The following CARS1 variants were observed in gnomAD, a reference collection of about 807,000 sequenced individuals.
CARS1 encodes cysteinyl-tRNA synthetase 1.
In CARS1, 48 loss-of-function variants were observed where a neutral mutation model predicts 106.2. The ratio of observed to expected loss-of-function variants is 0.45; its 90% CI spans 0.36 to 0.57. The LOEUF (loss-of-function observed/expected upper bound fraction) is 0.57. Among genes scored for constraint, CARS1 ranks in the 20% least tolerant of loss-of-function variants. The pLI is 0.00. For synonymous variants in CARS1, 409 were observed against 403.4 expected (o/e 1.01, Z -0.17); for missense variants, 968 against 1,057.2 (o/e 0.92, Z 1.17).
chr11:3,042,423 A>C (rs1854584981), intron 2 of CARS1, 167 bp from the exon 3 acceptor site: 1 of 572,652 alleles, frequency 1.7e-6, no homozygotes. Flanking sequence ...GTCAAAGACA[A>C]CTGCGTCTTT....
chr11:3,018,610 C>T lies in CARS1; in HGVS notation c.1525+10G>A. 1.2e-6 allele frequency: 2 copies of T among 1,614,014 alleles called. No individual in the cohort carries two copies. Among genetic ancestry groups the T allele is most frequent in the Non-Finnish European group, 1.7e-6 (2 of 1,179,922 alleles). On this transcript the variant is annotated intron_variant, in intron 13 of 22. Coordinates refer to ENST00000380525, the MANE Select transcript of CARS1 (RefSeq NM_001014437.3). ...TGGTTGGGGGGTCTGTGGGAGAAGC[C>T]AGTGTATACCTGAGTGCTTTTTCAA...
chr11:3,042,353 T>C lies in CARS1; in HGVS notation c.275-97A>G, dbSNP rs1448774729. ...AGACTTGGTTTTTACAACGGGACCATAGTTTTCCATGAAATTTAAACAATG... is the reference window on the plus strand; with the variant it reads ...AGACTTGGTTTTTACAACGGGACCACAGTTTTCCATGAAATTTAAACAATG... On this transcript the variant is annotated intron_variant, in intron 2 of 22. Transcript: ENST00000380525. The C allele has an allele frequency of 1.0e-5, 8 of 762,486 alleles. No individual in the cohort carries two copies. In the Admixed American group the frequency reaches 1.2e-4, roughly 12 times the overall value. The allele number at this position is 762,486 out of a possible 1,614,324, so 47.2% of individuals were successfully genotyped here. A position where few individuals can be genotyped will look rare whatever the true frequency, so the allele number is the denominator to read the frequency against.
chr11:3,001,932 A>C (rs1202767072), intron 22 of CARS1, 38 bp downstream of exon 22: 1 of 1,452,558 alleles, frequency 6.9e-7, no homozygotes, highest in Non-Finnish European at 9.7e-7. Context: ...TGGTCTGATC[A>C]AGTTCTGAAT....
intron 2 of CARS1, 101 bp downstream of exon 2, chr11:3,047,652 T>C: frequency 6.8e-7 from 1 of 1,471,744 alleles, no homozygotes. Context: ...AGGCTCCCTC[T>C]GGGGTATCCG....
At position 3,045,534 on chromosome 11, in the gene CARS1, G is replaced by A. The variant is rs1380169274; in HGVS notation, c.274+2219C>T. On this transcript the variant is annotated intron_variant, in intron 2 of 22. Coordinates refer to ENST00000380525, the MANE Select transcript of CARS1 (RefSeq NM_001014437.3). This position sits in a 1 kb window ranked among gnomAD's most constrained non-coding sequence, Gnocchi z 5.6. Reference sequence around the variant, plus strand: ...CCGCCTTGGCCTCCCAAAGTGCTGGGATTACAGGAGTGAGCCACCGCGCCG... The same window carrying A: ...CCGCCTTGGCCTCCCAAAGTGCTGGAATTACAGGAGTGAGCCACCGCGCCG... Among the ~76,000 whole-genome samples the A allele has an allele frequency of 1.3e-5, 2 of 152,226 alleles. No individual in the cohort carries two copies. The highest frequency in any genetic ancestry group is 4.8e-5 in the African/African-American group (2 of 41,456).
chr11:3,023,209 G>A (rs1331343727), intron 10 of CARS1, among the ~76,000 whole-genome samples: 2 of 152,104 alleles, frequency 1.3e-5, no homozygotes, highest in Non-Finnish European at 2.9e-5. Context: ...CCTTCACCAC[G>A]TGACCTGAGG....
intron 17 of CARS1, 126 bp downstream of exon 17, chr11:3,015,655 C>G: frequency 1.2e-6 from 1 of 812,264 alleles, no homozygotes; most frequent in South Asian, 1.4e-5. Flanking sequence ...CCATTTAGCT[C>G]GAGGCGCTGT....
intron 10 of CARS1, 141 bp downstream of exon 10, chr11:3,026,534 TA>T: frequency 1.2e-6 from 1 of 817,726 alleles, no homozygotes; most frequent in Non-Finnish European, 1.9e-6. Context: ...AGAAAACTCC[TA>T]AAATTCCTTC....
chr11:3,050,918 G>T lies in CARS1; in HGVS notation c.26-2917C>A, dbSNP rs896332753. Among the ~76,000 whole-genome samples the T allele has an allele frequency of 6.6e-6, 1 of 152,148 alleles. No homozygotes were observed. Among genetic ancestry groups the T allele is most frequent in the East Asian group, 1.9e-4 (1 of 5,192 alleles). ...TCTTTCCTTCACCATCTGCCCCACC[G>T]CTCCATCTACCTTATTCACTGCTCG... On this transcript the variant is annotated intron_variant, in intron 1 of 22. Transcript: ENST00000380525. This position sits in a 1 kb window ranked among gnomAD's most constrained non-coding sequence, Gnocchi z 6.3.
Position 3,029,289 on chromosome 11 carries a change from A to C in CARS1, c.942+14T>G. 1 of 1,613,738 alleles carries C rather than the reference A, an allele frequency of 6.2e-7. No homozygotes were observed. ...AGCGCAAGAGAGCCAGCACAAGACA[A>C]TCGTGACACTTACATTCAGAGCTTC... On this transcript the variant is annotated intron_variant, in intron 8 of 22. Transcript: ENST00000380525. The surrounding 1 kb of genome is among the most constrained non-coding windows in gnomAD (Gnocchi z 5.9).
At position 3,037,582 on chromosome 11, in the gene CARS1, G is replaced by C. The variant is rs1853831560; in HGVS notation, c.801+468C>G. 6.6e-6 allele frequency among the ~76,000 whole-genome samples: 1 copy of C among 152,252 alleles called. No individual in the cohort carries two copies. The highest frequency in any genetic ancestry group is 2.4e-5 in the African/African-American group (1 of 41,466). ...CCCAGGTCTCTGCCCTGTGTCTGAAGGAGATATTGGCAGGGGCAGGAGAGC... is the reference window on the plus strand; with the variant it reads ...CCCAGGTCTCTGCCCTGTGTCTGAACGAGATATTGGCAGGGGCAGGAGAGC... On this transcript the variant is annotated intron_variant, in intron 7 of 22. Transcript: ENST00000380525. This position sits in a 1 kb window ranked among gnomAD's most constrained non-coding sequence, Gnocchi z 5.9.
In CARS1 at chr11:3,038,314, G is replaced by C. The variant is rs1025702058; in HGVS notation, c.652-115C>G. ...TTTTTCCCATGGCCCCATAGAGATA[G>C]AGAAGTGTGCAACCCAAGTGGCCAG... On this transcript the variant is annotated intron_variant, in intron 6 of 22. Transcript: ENST00000380525. The surrounding 1 kb of genome is among the most constrained non-coding windows in gnomAD (Gnocchi z 4.0). 3.0e-6 allele frequency: 3 copies of C among 984,194 alleles called. No individual in the cohort carries two copies. The highest frequency in any genetic ancestry group is 2.1e-5 in the Admixed American group (1 of 48,604). 61.0% of individuals were successfully genotyped at this position (984,194 alleles called of 1,614,324 possible). A position where few individuals can be genotyped will look rare whatever the true frequency, so the allele number is the denominator to read the frequency against.
At chr11:3,002,304 C>T (rs1007237583) in intron 21 of CARS1, 12 of 690,178 alleles carry the variant, frequency 1.7e-5, no homozygotes, top group Admixed American at 5.7e-5. Context: ...AGTCTATAAA[C>T]GCTGTCTTGG....
Position 3,003,278 on chromosome 11 carries a change from T to C in CARS1, c.2218-678A>G, listed in dbSNP as rs190359233. Among the ~76,000 whole-genome samples the C allele has an allele frequency of 3.9e-5, 6 of 152,082 alleles. No homozygotes were observed. The highest frequency in any genetic ancestry group is 9.6e-5 in the African/African-American group (4 of 41,484). On this transcript the variant is annotated intron_variant, in intron 20 of 22. Transcript: ENST00000380525. This position sits in a 1 kb window ranked among gnomAD's most constrained non-coding sequence, Gnocchi z 4.8. ...ACGGAAAAGGAGCAAGTTTGGGGAG[T>C]TGAAAATCACATTTTCACCTTTCCT... is the stretch of plus-strand genomic sequence containing the variant.
Position 3,003,554 on chromosome 11 carries a change from C to A in CARS1, c.2218-954G>T, listed in dbSNP as rs1849590084. Among the ~76,000 whole-genome samples, 1 of 152,042 alleles carries A rather than the reference C, an allele frequency of 6.6e-6. No individual in the cohort carries two copies. Among genetic ancestry groups the A allele is most frequent in the South Asian group, 2.1e-4 (1 of 4,816 alleles). On this transcript the variant is annotated intron_variant, in intron 20 of 22. Transcript: ENST00000380525. The surrounding 1 kb of genome is among the most constrained non-coding windows in gnomAD (Gnocchi z 4.8). ...CCAGATAAGGTCTCCTGGGGAGGCG[C>A]CACACACAGAGCTAGGGAAAAGAAA... is the stretch of plus-strand genomic sequence containing the variant.
Position 3,043,280 on chromosome 11 carries a change from C to A in CARS1, c.275-1024G>T, listed in dbSNP as rs1854713018. The stretch of plus-strand genomic sequence containing the variant: ...GCTCTGTCCCTGGGGCCAGGGGCAG[C>A]CACAGGGTGATTATTCACCCTCTGA... On this transcript the variant is annotated intron_variant, in intron 2 of 22. Coordinates refer to ENST00000380525, the MANE Select transcript of CARS1 (RefSeq NM_001014437.3). This position sits in a 1 kb window ranked among gnomAD's most constrained non-coding sequence, Gnocchi z 4.0. Among the ~76,000 whole-genome samples, 1 of 152,042 alleles carries A rather than the reference C, an allele frequency of 6.6e-6. No homozygotes were observed. The highest frequency in any genetic ancestry group is 2.1e-4 in the South Asian group (1 of 4,804).
At position 3,037,343 on chromosome 11, in the gene CARS1, G is replaced by A. The variant is rs936470054; in HGVS notation, c.801+707C>T. 6.6e-6 allele frequency among the ~76,000 whole-genome samples: 1 copy of A among 152,250 alleles called. No homozygotes were observed. Among genetic ancestry groups the A allele is most frequent in the Non-Finnish European group, 1.5e-5 (1 of 68,038 alleles). ...ACAGACTCCCTGCCCCATCACTGAG[G>A]TGGGGCCAGGGCAGTGGTGAGGGAA... On this transcript the variant is annotated intron_variant, in intron 7 of 22. Coordinates refer to ENST00000380525, the MANE Select transcript of CARS1 (RefSeq NM_001014437.3). This position sits in a 1 kb window ranked among gnomAD's most constrained non-coding sequence, Gnocchi z 5.9.
rs983660543 is a variant in CARS1 at position 3,003,581 on chromosome 11, C to A, written c.2218-981G>T. 2.6e-5 allele frequency among the ~76,000 whole-genome samples: 4 copies of A among 151,986 alleles called. No individual in the cohort carries two copies. The East Asian group carries it at 7.7e-4, about 29-fold the overall frequency. On this transcript the variant is annotated intron_variant, in intron 20 of 22. Transcript: ENST00000380525. The surrounding 1 kb of genome is among the most constrained non-coding windows in gnomAD (Gnocchi z 4.8). ...ACACACAGAGCTAGGGAAAAGAAACCAGGAAGGCACAAAGGTCTCAGAGAC... is the reference window on the plus strand; with the variant it reads ...ACACACAGAGCTAGGGAAAAGAAACAAGGAAGGCACAAAGGTCTCAGAGAC...
Position 3,052,258 on chromosome 11 carries a change from C to T in CARS1, c.26-4257G>A, listed in dbSNP as rs1408343972. ...TGAGTACCTACACTCACACACACGG[C>T]GGCATTTCCTCACGGTAAAACACGC... is the stretch of plus-strand genomic sequence containing the variant. On this transcript the variant is annotated intron_variant, in intron 1 of 22. Coordinates refer to ENST00000380525, the MANE Select transcript of CARS1 (RefSeq NM_001014437.3). This position sits in a 1 kb window ranked among gnomAD's most constrained non-coding sequence, Gnocchi z 4.6. Among the ~76,000 whole-genome samples, 1 of 152,170 alleles carries T rather than the reference C, an allele frequency of 6.6e-6. No homozygotes were observed. The highest frequency in any genetic ancestry group is 1.5e-5 in the Non-Finnish European group (1 of 68,024).
Sources: allele counts gnomAD v4.1 joint callset (sites outside exome capture counted in the v4.1 genomes callset), GRCh38; gene constraint gnomAD v4.1.1; non-coding constraint Gnocchi (gnomAD v3.1); transcripts MANE v1.5; gene names NCBI Gene and HGNC (gene_info 2026-07-23, HGNC 2026-07-21).